The following ARHGAP44 variants were observed in gnomAD, a reference collection of about 807,000 sequenced individuals.
The protein encoded by ARHGAP44 is Rho GTPase activating protein 44.
ARHGAP44 carries 43 observed loss-of-function variants against 106.8 expected under a neutral mutation model. The ratio of observed to expected loss-of-function variants is 0.40; its 90% confidence interval spans 0.32 to 0.52. The LOEUF is 0.52. Ranked by LOEUF, ARHGAP44 falls within the 20% of genes least tolerant of loss-of-function variation. ARHGAP44 has a pLI of 0.48. For synonymous variants in ARHGAP44, 439 were observed against 410.3 expected (o/e 1.07, Z -0.85); for missense variants, 866 against 1,050.5 (o/e 0.82, Z 2.43).
At chr17:12,857,656 T>C (rs1241811509) in intron 1 of ARHGAP44, among the ~76,000 whole-genome samples, 1 of 152,182 alleles carries the variant, frequency 6.6e-6, no homozygotes, top group Non-Finnish European at 1.5e-5. Context: ...TATTCTATTA[T>C]GGTAGAATAG....
intron 16 of ARHGAP44, among the ~76,000 whole-genome samples, chr17:12,961,936 T>TA (rs2039272948): frequency 6.6e-6 from 1 of 152,128 alleles, no homozygotes; most frequent in Non-Finnish European, 1.5e-5. Context: ...GTTATCTTAG[T>TA]AACATTAGGC....
At chr17:12,972,181 T>TTG (rs1419503452) in intron 16 of ARHGAP44, among the ~76,000 whole-genome samples, 1 of 152,202 alleles carries the variant, frequency 6.6e-6, no homozygotes, top group African/African-American at 2.4e-5. Context: ...CAAATGCTGG[T>TTG]TGGGAGTATA....
Position 12,958,025 on chromosome 17 carries a change from A to G in ARHGAP44, c.1343-692A>G, listed in dbSNP as rs1228175370. ...CAGAGTTGGGTGGGTGTGGGAAATCAAGATAAAGAAATAAAGGAGGTAGGA... is the reference window on the plus strand; with the variant it reads ...CAGAGTTGGGTGGGTGTGGGAAATCGAGATAAAGAAATAAAGGAGGTAGGA... On this transcript the variant is annotated intron_variant, in intron 15 of 20. Transcript: ENST00000379672. The surrounding 1 kb of genome is among the most constrained non-coding windows in gnomAD (Gnocchi z 4.1). Among the ~76,000 whole-genome samples, 7 of 152,220 alleles carry G rather than the reference A, an allele frequency of 4.6e-5. 1 individual carries two copies. The East Asian group carries it at 7.7e-4, about 17-fold the overall frequency.
intron 7 of ARHGAP44, among the ~76,000 whole-genome samples, chr17:12,937,343 T>A (rs1287867641): frequency 6.6e-6 from 1 of 152,130 alleles, no homozygotes; most frequent in Admixed American, 6.5e-5. Flanking sequence ...CAGGAGAGGA[T>A]TTTTCTCTGA....
intron 3 of ARHGAP44, among the ~76,000 whole-genome samples, chr17:12,904,428 T>C (rs6502212): frequency 0.15 from 22,740 of 152,102 alleles, 2,682 homozygotes; most frequent in East Asian, 0.34. Flanking sequence ...CTTAAAGCAT[T>C]TACACAAATA....
intron 16 of ARHGAP44, among the ~76,000 whole-genome samples, chr17:12,969,246 C>T (rs1306681585): frequency 1.3e-5 from 2 of 152,044 alleles, no homozygotes; most frequent in Admixed American, 1.3e-4. Flanking sequence ...TATCCTTTTC[C>T]CCCCTTTATC....
At chr17:12,910,924 A>G (rs9652826) in intron 4 of ARHGAP44, among the ~76,000 whole-genome samples, 7,248 of 152,106 alleles carry the variant, frequency 0.048, 242 homozygotes, top group Admixed American at 0.083. Context: ...TCAAATATGC[A>G]TGTTATAAAA....
At chr17:12,868,726 T>C (rs2036315049) in intron 1 of ARHGAP44, among the ~76,000 whole-genome samples, 1 of 150,488 alleles carries the variant, frequency 6.6e-6, no homozygotes, top group African/African-American at 2.4e-5. Flanking sequence ...GGCGCGATCT[T>C]GGCTCACTGC....
rs184018951 is a variant in ARHGAP44 at position 12,919,875 on chromosome 17, T to C, written c.464+44T>C. 1,266 of 1,546,486 alleles carry C rather than the reference T, an allele frequency of 8.2e-4. 12 individuals carry two copies. The African/African-American group carries it at 0.014, about 17-fold the overall frequency. On this transcript the variant is annotated intron_variant, in intron 6 of 20. Coordinates refer to ENST00000379672, the MANE Select transcript of ARHGAP44 (RefSeq NM_014859.6). ...CTTTTTTGCTTCTTTGAAGGGACAG[T>C]GATCATATTTTGGGCGGGTGGGTTT...
chr17:12,855,297 G>T (rs1406866236), intron 1 of ARHGAP44, among the ~76,000 whole-genome samples: 1 of 152,094 alleles, frequency 6.6e-6, no homozygotes, highest in East Asian at 1.9e-4. Context: ...CCTTTGCAAA[G>T]AGAAATTAGT....
rs539016472 is a variant in ARHGAP44 at position 12,854,522 on chromosome 17, C to A, written c.54-40418C>A. On this transcript the variant is annotated intron_variant, in intron 1 of 20. Transcript: ENST00000379672. Reference sequence around the variant, plus strand: ...TGGAGAAGATAAAAGAATGATGATACAGTTAGTGGTTTCTGACACAACTAA... The same window carrying A: ...TGGAGAAGATAAAAGAATGATGATAAAGTTAGTGGTTTCTGACACAACTAA... Among the ~76,000 whole-genome samples the A allele has an allele frequency of 1.1e-3, 174 of 152,218 alleles. 2 individuals are homozygous for A. The highest frequency in any genetic ancestry group is 3.0e-3 in the African/African-American group (123 of 41,538).
intron 20 of ARHGAP44, chr17:12,987,114 G>C: frequency 6.5e-7 from 1 of 1,534,724 alleles, no homozygotes; most frequent in Non-Finnish European, 8.7e-7. Flanking sequence ...TGTGACATGA[G>C]TGGCGCAGTT....
At chr17:12,933,120 T>C (rs539000603) in intron 7 of ARHGAP44, among the ~76,000 whole-genome samples, 1 of 152,342 alleles carries the variant, frequency 6.6e-6, no homozygotes, top group African/African-American at 2.4e-5. Context: ...ATTTTTACTT[T>C]GTTGGTTGCC....
At chr17:12,837,636 A>G (rs1181779815) in intron 1 of ARHGAP44, among the ~76,000 whole-genome samples, 1 of 151,706 alleles carries the variant, frequency 6.6e-6, no homozygotes, top group Non-Finnish European at 1.5e-5. Flanking sequence ...CACTAAACCC[A>G]TAGATCAGGG....
At chr17:12,970,389 GA>G (rs1194915471) in intron 16 of ARHGAP44, among the ~76,000 whole-genome samples, 1 of 129,430 alleles carries the variant, frequency 7.7e-6, no homozygotes, top group Non-Finnish European at 1.7e-5. Context: ...AAAAAAAAAA[GA>G]AAAAGAAGAG....
intron 1 of ARHGAP44, among the ~76,000 whole-genome samples, chr17:12,865,667 T>A (rs535123836): frequency 6.6e-6 from 1 of 151,904 alleles, no homozygotes; most frequent in African/African-American, 2.4e-5. Flanking sequence ...CGGGCACCTA[T>A]AGTCCCAGCT....
intron 1 of ARHGAP44, among the ~76,000 whole-genome samples, chr17:12,828,613 T>A (rs1038852064): frequency 6.6e-6 from 1 of 150,900 alleles, no homozygotes; most frequent in Non-Finnish European, 1.5e-5. Context: ...AGCTAATATT[T>A]TCTTTTGGAT....
chr17:12,931,841 T>TACACACAAACACACACACACACAC (rs1213325834), intron 7 of ARHGAP44, among the ~76,000 whole-genome samples: 2 of 146,304 alleles, frequency 1.4e-5, no homozygotes, highest in South Asian at 2.2e-4. Flanking sequence ...ACAGTAGGGA[T>TACACACAAACACACACACACACAC]ACACACACAC....
In ARHGAP44 at chr17:12,877,498, G is replaced by A. The variant is rs1567663707; in HGVS notation, c.54-17442G>A. The stretch of plus-strand genomic sequence containing the variant: ...AGAAAATTTAATTAAAAGATATTTA[G>A]GAAGTATTAAATTTGCTAACATGTT... On this transcript the variant is annotated intron_variant, in intron 1 of 20. Coordinates refer to ENST00000379672, the MANE Select transcript of ARHGAP44 (RefSeq NM_014859.6). Among the ~76,000 whole-genome samples the A allele has an allele frequency of 2.0e-5, 3 of 152,218 alleles. No individual in the cohort carries two copies. In the East Asian group the frequency reaches 5.8e-4, roughly 29 times the overall value.
Sources: allele counts gnomAD v4.1 joint callset (sites outside exome capture counted in the v4.1 genomes callset), GRCh38; gene constraint gnomAD v4.1.1; non-coding constraint Gnocchi (gnomAD v3.1); transcripts MANE v1.5; gene names NCBI Gene and HGNC (gene_info 2026-07-23, HGNC 2026-07-21).